The following KMT2D variants were observed in gnomAD, a reference collection of about 807,000 sequenced individuals.
The protein encoded by KMT2D is histone-lysine N-methyltransferase 2D.
A neutral mutation model predicts 512.7 loss-of-function variants in KMT2D; 55 were observed. The observed-to-expected ratio is 0.11, with a 90% CI of 0.09 to 0.13. The LOEUF (loss-of-function observed/expected upper bound fraction) is 0.13, where lower values mean the gene tolerates loss of function less well. Among genes scored for constraint, KMT2D ranks in the 10% least tolerant of loss-of-function variants. The probability of loss-of-function intolerance (pLI) is 1.00; values close to 1 mark genes in which losing one functional copy is unlikely to be tolerated. For missense variants in KMT2D, 6,061 were observed against 7,127.9 expected (o/e 0.85, Z 5.39); for synonymous variants, 2,995 against 2,904.0 (o/e 1.03, Z -1.01).
rs752153653 is a variant in KMT2D at position 49,044,976 on chromosome 12, G to A, written c.4742-11C>T. The A allele has an allele frequency of 6.2e-7, 1 of 1,609,268 alleles. No homozygotes were observed. Among genetic ancestry groups the A allele is most frequent in the Non-Finnish European group, 8.5e-7 (1 of 1,175,730 alleles). ...GAAAGTACTGGGGCTCTGCATAAGA[G>A]GAAAGAGTATGTGATCCCTGGATGG... On this transcript the variant is annotated splice_polypyrimidine_tract_variant and intron_variant, in intron 19 of 54. Transcript: ENST00000301067. This position sits in a 1 kb window ranked among gnomAD's most constrained non-coding sequence, Gnocchi z 6.4.
Position 49,039,267 on chromosome 12 carries a change from C to A in KMT2D, c.8321G>T (p.Arg2774Leu), listed in dbSNP as rs749475908. ...GSFPSDDRLS[R>L]PPPPATPSSM... ...GGAAGGCGTGGCTGGTGGAGGTGGC[C>A]GGGAGAGTCGGTCATCGCTAGGGAA... Residue 2774 changes from arginine to leucine, a missense_variant, in exon 34 of 55, where the codon CGG becomes CTG. This residue lies in a region of KMT2D where 527 missense variants were observed against 578.9 expected (regional missense o/e 0.91). Transcript: ENST00000301067. This position sits in a 1 kb window ranked among gnomAD's most constrained non-coding sequence, Gnocchi z 5.0. The A allele has an allele frequency of 3.7e-6, 6 of 1,613,574 alleles. No individual in the cohort carries two copies. The highest frequency in any genetic ancestry group is 2.2e-5 in the East Asian group (1 of 44,876).
At position 49,041,615 on chromosome 12, in the gene KMT2D, C is replaced by A. The variant is rs2120549534; in HGVS notation, c.6234+40G>T. The A allele has an allele frequency of 1.2e-6, 2 of 1,613,014 alleles. No individual in the cohort carries two copies. The highest frequency in any genetic ancestry group is 8.5e-7 in the Non-Finnish European group (1 of 1,179,290). ...GCCCTCCACCCTCAAGAGAGGCCAC[C>A]CACTAGAGGACTGCTACACCCCAGC... On this transcript the variant is annotated intron_variant, in intron 31 of 54. Coordinates refer to ENST00000301067, the MANE Select transcript of KMT2D (RefSeq NM_003482.4). This position sits in a 1 kb window ranked among gnomAD's most constrained non-coding sequence, Gnocchi z 5.4.
In KMT2D at chr12:49,031,613, C is replaced by G. The variant is rs1161855355; in HGVS notation, c.13092G>C (p.Gln4364His). Residue 4364 changes from glutamine to histidine, a missense_variant, in exon 40 of 55, where the codon CAG becomes CAC. Transcript: ENST00000301067. ...CCTTGCTAAACAAGGTATCTGCAAG[C>G]TGGGCAGCAGCAGGTGAGACCCTCC... is the stretch of plus-strand genomic sequence containing the variant. ...PPGRVSPAAAQLADTLFSKGL... is the reference protein window; with the variant it reads ...PPGRVSPAAAHLADTLFSKGL... 1.9e-6 allele frequency: 3 copies of G among 1,600,196 alleles called. No individual in the cohort carries two copies. The highest frequency in any genetic ancestry group is 1.1e-5 in the South Asian group (1 of 88,998).
chr12:49,023,023 G>C, intron 51 of KMT2D, 148 bp from the exon 52 acceptor site: 1 of 860,918 alleles, frequency 1.2e-6, no homozygotes, highest in African/African-American at 1.7e-5. Context: ...CTTGGGAAAG[G>C]AGTAGAGGCA....
At chr12:49,055,676 T>G (rs948410084) in intron 1 of KMT2D, among the ~76,000 whole-genome samples, 3 of 152,238 alleles carry the variant, frequency 2.0e-5, no homozygotes, top group Non-Finnish European at 4.4e-5. Context: ...TATCTAATAC[T>G]GCTCTTTGGC....
At chr12:49,048,282 G>A (rs1937679089) in intron 14 of KMT2D, among the ~76,000 whole-genome samples, 1 of 152,188 alleles carries the variant, frequency 6.6e-6, no homozygotes, top group Non-Finnish European at 1.5e-5. Flanking sequence ...GCCTGACATG[G>A]GTGAAGTTAA....
At position 49,019,797 on chromosome 12, in the gene KMT2D, T is replaced by TA. The variant is rs879897260; in HGVS notation, c.*1982dup. 5.5e-3 allele frequency: 1,079 copies of TA among 195,534 alleles called. No homozygotes were observed. Among genetic ancestry groups the TA allele is most frequent in the Middle Eastern group, 0.012 (7 of 596 alleles). The allele number at this position is 195,534 out of a possible 1,614,324, so 12.1% of individuals were successfully genotyped here. A position where few individuals can be genotyped will look rare whatever the true frequency, so the allele number is the denominator to read the frequency against. ...CTTGAAACAGTTGAGGAAGCAGCTT[T>TA]AAAAAAAAAAAATCTCCCTACCCCC... On this transcript the variant is annotated 3_prime_UTR_variant, in exon 55 of 55. Coordinates refer to ENST00000301067, the MANE Select transcript of KMT2D (RefSeq NM_003482.4).
Position 49,045,962 on chromosome 12 carries a change from C to T in KMT2D, c.4699G>A (p.Val1567Ile), listed in dbSNP as rs1471680379. The change falls in exon 19 of 55, where the codon GTT becomes ATT. Residue 1567 changes from valine (V) to isoleucine (I), a missense_variant. Physicochemically the swap from Val to Ile is conservative, Grantham distance 29. Transcript: ENST00000301067. Reference protein sequence around the residue: ...QPYVVKPVAPVAPPELVPMKV... With the variant: ...QPYVVKPVAPIAPPELVPMKV... ...ATGGGCACCAGCTCTGGAGGTGCAA[C>T]AGGCGCTATGGAGAGAAGGACAAAC... is the stretch of plus-strand genomic sequence containing the variant. 1.9e-6 allele frequency: 3 copies of T among 1,613,856 alleles called. No individual in the cohort carries two copies. Among genetic ancestry groups the T allele is most frequent in the African/African-American group, 1.3e-5 (1 of 74,920 alleles).
In KMT2D at chr12:49,057,085, C is replaced by T. The variant is rs111514395; in HGVS notation, c.-37-1724G>A. On this transcript the variant is annotated intron_variant, in intron 1 of 54. Coordinates refer to ENST00000301067, the MANE Select transcript of KMT2D (RefSeq NM_003482.4). ...AGCAGGGTGGGTCATCTGGCCGGCTCGTACAAAAGCTGCTCCAGAACTTCA... is the reference window on the plus strand; with the variant it reads ...AGCAGGGTGGGTCATCTGGCCGGCTTGTACAAAAGCTGCTCCAGAACTTCA... Among the ~76,000 whole-genome samples, 438 of 152,216 alleles carry T rather than the reference C, an allele frequency of 2.9e-3. 2 individuals carry two copies. The highest frequency in any genetic ancestry group is 4.2e-3 in the Non-Finnish European group (288 of 68,010).
rs1943521400 is a variant in KMT2D, at chr12:49,041,401, G to A, written c.6369C>T (p.Thr2123=). Residue 2123 remains threonine, a synonymous_variant, in exon 32 of 55, where the codon ACC becomes ACT. Coordinates refer to ENST00000301067, the MANE Select transcript of KMT2D (RefSeq NM_003482.4). This position sits in a 1 kb window ranked among gnomAD's most constrained non-coding sequence, Gnocchi z 5.4. ...LGSPPPAAAP[T]IFIGSPTTPA... ...GGGTAGTGGGGCTGCCAATGAAAAT[G>A]GTGGGGGCAGCAGCGGGGGGCGGGC... 1.9e-6 allele frequency: 3 copies of A among 1,606,844 alleles called. No homozygotes were observed. Among genetic ancestry groups the A allele is most frequent in the Non-Finnish European group, 2.6e-6 (3 of 1,175,850 alleles).
Position 49,037,473 on chromosome 12 carries a change from T to C in KMT2D, c.9883A>G (p.Met3295Val). The change falls in exon 35 of 55, where the codon ATG becomes GTG. Residue 3295 changes from methionine (M) to valine (V), a missense_variant. Met to Val is a conservative substitution (Grantham distance 21). Transcript: ENST00000301067. ...LLSAPGPAQA[M>V]SLPHEGSSPS... ...GAAGAGCCCTCATGTGGCAAAGACA[T>C]GGCCTGGGCAGGGCCTGGTGCAGAC... is the stretch of plus-strand genomic sequence containing the variant. The C allele has an allele frequency of 4.5e-6, 7 of 1,565,358 alleles. No individual in the cohort carries two copies. Among genetic ancestry groups the C allele is most frequent in the South Asian group, 1.2e-5 (1 of 85,234 alleles).
In KMT2D at chr12:49,051,675, G is replaced by C. The variant is rs2120674535; in HGVS notation, c.2008C>G (p.Pro670Ala). ...SRLSPPPEESPLSPPPEESPT... is the reference protein window; with the variant it reads ...SRLSPPPEESALSPPPEESPT... The stretch of plus-strand genomic sequence containing the variant: ...GACTCCTCAGGCGGTGGGGACAAGG[G>C]AGATTCCTCAGGCGGTGGAGACAGG... The change falls in exon 11 of 55, where the codon CCC (proline) becomes GCC (alanine). Residue 670 changes from proline (P) to alanine (A), a missense_variant. Around this residue, in one of 16 missense-constraint regions of KMT2D, gnomAD observed 848 missense variants for 838.5 expected, o/e 1.01. Coordinates refer to ENST00000301067, the MANE Select transcript of KMT2D (RefSeq NM_003482.4). The C allele has an allele frequency of 1.9e-6, 3 of 1,578,620 alleles. No individual in the cohort carries two copies.
rs975418578 is a variant in KMT2D, at chr12:49,043,384, C to G, written c.5512G>C (p.Glu1838Gln). 6.2e-7 allele frequency: 1 copy of G among 1,613,950 alleles called. No homozygotes were observed. The highest frequency in any genetic ancestry group is 2.2e-5 in the East Asian group (1 of 44,872). Residue 1838 changes from glutamate (E) to glutamine (Q), a missense_variant, in exon 25 of 55, where the codon GAG (glutamate) becomes CAG (glutamine). Glu to Gln is a conservative substitution (Grantham distance 29). Around this residue, in one of 16 missense-constraint regions of KMT2D, gnomAD observed 640 missense variants for 814.3 expected, o/e 0.79. Coordinates refer to ENST00000301067, the MANE Select transcript of KMT2D (RefSeq NM_003482.4). ...TCACCTGGTGTATCGGCTTTGCCCTCGAGGCCACGGGATTCTTCATCTGCA... is the reference window on the plus strand; with the variant it reads ...TCACCTGGTGTATCGGCTTTGCCCTGGAGGCCACGGGATTCTTCATCTGCA... ...DIADEESRGL[E>Q]GKADTPGPED...
At chr12:49,021,901 C>T in intron 54 of KMT2D, 29 bp from the exon 55 acceptor site, 3 of 1,597,636 alleles carry the variant, frequency 1.9e-6, no homozygotes, top group Admixed American at 3.3e-5. Flanking sequence ...AGAATCAATG[C>T]TAGTCCCCCA....
At position 49,054,612 on chromosome 12, in the gene KMT2D, T is replaced by G; in HGVS notation, c.316A>C (p.Asn106His). 1 of 1,613,286 alleles carries G rather than the reference T, an allele frequency of 6.2e-7. No homozygotes were observed. The change falls in exon 4 of 55, where the codon AAT becomes CAT. Residue 106 changes from asparagine to histidine, a missense_variant. Around this residue, in one of 16 missense-constraint regions of KMT2D, gnomAD observed 144 missense variants for 165.7 expected, o/e 0.87. Transcript: ENST00000301067. The surrounding 1 kb of genome is among the most constrained non-coding windows in gnomAD (Gnocchi z 6.4). Reference protein sequence around the residue: ...VVSPGGSPGPNEAVLPSEDLS... With the variant: ...VVSPGGSPGPHEAVLPSEDLS... The stretch of plus-strand genomic sequence containing the variant: ...TCCTCACTGGGCAGCACTGCCTCAT[T>G]GGGCCCTGGGCTCCCCCCAGGGGAC...
chr12:49,060,774 T>G lies in KMT2D; in HGVS notation c.-1199A>C, dbSNP rs1938710231. ...GAGAAAGGAGAAGAGGCGGCCCTAT[T>G]TTGTGTTGGAGCGGAGCGGCGGAGG... On this transcript the variant is annotated 5_prime_UTR_variant, in exon 1 of 55. Coordinates refer to ENST00000301067, the MANE Select transcript of KMT2D (RefSeq NM_003482.4). Among the ~76,000 whole-genome samples, 1 of 152,020 alleles carries G rather than the reference T, an allele frequency of 6.6e-6. No individual in the cohort carries two copies.
rs1938678463 is a variant in KMT2D, at chr12:49,060,384, GC to G, written c.-810del. On this transcript the variant is annotated 5_prime_UTR_variant, in exon 1 of 55. Coordinates refer to ENST00000301067, the MANE Select transcript of KMT2D (RefSeq NM_003482.4). ...CTGCGCTCGCCTCCCTTCCCCTCTG[GC>G]CTCGGGAGCTGCCCCGCCCCCGGCC... is the stretch of plus-strand genomic sequence containing the variant. 6.6e-6 allele frequency among the ~76,000 whole-genome samples: 1 copy of G among 151,910 alleles called. No homozygotes were observed. Among genetic ancestry groups the G allele is most frequent in the African/African-American group, 2.4e-5 (1 of 41,364 alleles).
Position 49,031,633 on chromosome 12 carries a change from C to A in KMT2D, c.13072G>T (p.Val4358Phe), listed in dbSNP as rs1293914241. 4 of 1,603,086 alleles carry A rather than the reference C, an allele frequency of 2.5e-6. No individual in the cohort carries two copies. Among genetic ancestry groups the A allele is most frequent in the South Asian group, 2.2e-5 (2 of 89,226 alleles). ...GPTLEPPPGR[V>F]SPAAAQLADT... ...GCAAGCTGGGCAGCAGCAGGTGAGACCCTCCCAGGAGGCGGCTCCAAGGTT... is the reference window on the plus strand; with the variant it reads ...GCAAGCTGGGCAGCAGCAGGTGAGAACCTCCCAGGAGGCGGCTCCAAGGTT... The change falls in exon 40 of 55, where the codon GTC becomes TTC. Residue 4358 changes from valine (V) to phenylalanine (F), a missense_variant. Val to Phe is a conservative substitution (Grantham distance 50). Transcript: ENST00000301067.
Position 49,027,314 on chromosome 12 carries a change from G to A in KMT2D, c.14652C>T (p.Pro4884=), listed in dbSNP as rs780231229. 3.0e-5 allele frequency: 46 copies of A among 1,523,488 alleles called. No individual in the cohort carries two copies. The highest frequency in any genetic ancestry group is 4.4e-5 in the Admixed American group (2 of 45,204). The allele number at this position is 1,523,488 out of a possible 1,614,324, so 94.4% of individuals were successfully genotyped here. ...TGTGCTGAGTGGGTGGCTCTGGGGCGGGGCTCTCCTGTAGGAGGGTGCCCT... is the reference window on the plus strand; with the variant it reads ...TGTGCTGAGTGGGTGGCTCTGGGGCAGGGCTCTCCTGTAGGAGGGTGCCCT... ...DILSLLKQES[P]APEPPTQHSY... is the part of the protein sequence containing the mutation. The change falls in exon 49 of 55, where the codon CCC becomes CCT. Residue 4884 remains proline (P), a synonymous_variant. Coordinates refer to ENST00000301067, the MANE Select transcript of KMT2D (RefSeq NM_003482.4).
Sources: gnomAD v4.1 joint callset for allele counts (sites outside exome capture counted in the v4.1 genomes callset) on GRCh38, gnomAD v4.1.1 for gene constraint, gnomAD v4.1.1 regional missense constraint, Gnocchi (gnomAD v3.1) non-coding constraint, MANE v1.5 for transcripts, NCBI Gene and HGNC (gene_info 2026-07-23, HGNC 2026-07-21) for gene names.